LRBA: variants seen among roughly 807,000 people sequenced by gnomAD.
The protein encoded by LRBA is lipopolysaccharide-responsive and beige-like anchor protein.
In LRBA, 176 loss-of-function variants were observed where a neutral mutation model predicts 330.0. The ratio of observed to expected loss-of-function variants is 0.53; its 90% confidence interval spans 0.47 to 0.60. The LOEUF (loss-of-function observed/expected upper bound fraction) is 0.60, where lower values mean the gene tolerates loss of function less well. LRBA is among the 20% of genes least tolerant of loss of function. The probability of loss-of-function intolerance (pLI) is 0.00; values close to 1 mark genes in which losing one functional copy is unlikely to be tolerated. For synonymous variants in LRBA, 1,230 were observed against 1,193.0 expected (o/e 1.03, Z -0.64); for missense variants, 3,259 against 3,444.8 (o/e 0.95, Z 1.35).
chr4:150,413,825 T>C (rs1747350856), intron 47 of LRBA, among the ~76,000 whole-genome samples: 1 of 152,120 alleles, frequency 6.6e-6, no homozygotes, highest in Non-Finnish European at 1.5e-5. Context: ...AAGAAAAAAG[T>C]TGTAGTATGA....
intron 40 of LRBA, among the ~76,000 whole-genome samples, chr4:150,537,378 A>G (rs1349040379): frequency 6.6e-6 from 1 of 152,180 alleles, no homozygotes; most frequent in East Asian, 1.9e-4. Flanking sequence ...AAATCCTAAA[A>G]GAAAACCTAG....
chr4:150,328,249 C>T (rs1216280605), intron 48 of LRBA, among the ~76,000 whole-genome samples: 3 of 152,110 alleles, frequency 2.0e-5, no homozygotes, highest in Non-Finnish European at 4.4e-5. Context: ...GTAAATTTTA[C>T]GTCAGACACA....
intron 37 of LRBA, among the ~76,000 whole-genome samples, chr4:150,681,516 C>T (rs1253937615): frequency 6.6e-6 from 1 of 152,088 alleles, no homozygotes; most frequent in East Asian, 1.9e-4. Flanking sequence ...AAATAAGTAA[C>T]AGTTGAATAT....
chr4:150,622,688 C>CTTTTTTTTTTTTT (rs10528461), intron 37 of LRBA, among the ~76,000 whole-genome samples: 39 of 105,642 alleles, frequency 3.7e-4, no homozygotes, highest in African/African-American at 1.5e-3. Context: ...CTAAATCAAT[C>CTTTTTTTTTTTTT]TTTTTTTTTT....
chr4:150,860,716 A>G (rs1751802718), intron 22 of LRBA, among the ~76,000 whole-genome samples: 1 of 152,074 alleles, frequency 6.6e-6, no homozygotes, highest in South Asian at 2.1e-4. Flanking sequence ...AGTCCCAGCT[A>G]CTCAGGGAGG....
At position 150,548,135 on chromosome 4, in the gene LRBA, A is replaced by AT. The variant is rs1491265054; in HGVS notation, c.6330+39912dup. Among the ~76,000 whole-genome samples the AT allele has an allele frequency of 3.3e-5, 5 of 151,858 alleles. No homozygotes were observed. The South Asian group carries it at 6.2e-4, about 19-fold the overall frequency. The stretch of plus-strand genomic sequence containing the variant: ...CAGCAAGCACTGCCATAATACAAAC[A>AT]TTTTTTTCAAAGTAAAAATACATTT... On this transcript the variant is annotated intron_variant, in intron 40 of 56. Coordinates refer to ENST00000651943, the MANE Select transcript of LRBA (RefSeq NM_001364905.1).
chr4:150,608,745 C>T (rs934886811), intron 37 of LRBA, among the ~76,000 whole-genome samples: 1 of 152,146 alleles, frequency 6.6e-6, no homozygotes, highest in Non-Finnish European at 1.5e-5. Flanking sequence ...TACCCATTAC[C>T]CGTCATTCCA....
chr4:150,487,646 A>G (rs1758038437), intron 42 of LRBA, 86 bp downstream of exon 42: 2 of 639,174 alleles, frequency 3.1e-6, no homozygotes, highest in African/African-American at 1.8e-5. Context: ...AATACAGATT[A>G]ATGTTAATAA....
intron 40 of LRBA, among the ~76,000 whole-genome samples, chr4:150,555,839 G>T (rs1429118821): frequency 6.6e-6 from 1 of 151,302 alleles, no homozygotes; most frequent in African/African-American, 2.4e-5. Flanking sequence ...GTCTTCCTTT[G>T]TCACCCAGGC....
chr4:150,529,940 G>A (rs971548184), intron 40 of LRBA, among the ~76,000 whole-genome samples: 9 of 151,980 alleles, frequency 5.9e-5, no homozygotes, highest in Non-Finnish European at 1.0e-4. Flanking sequence ...TTTCTTTCTA[G>A]AGTATTTAAA....
At chr4:150,442,024 A>T (rs1751908278) in intron 44 of LRBA, among the ~76,000 whole-genome samples, 2 of 152,144 alleles carry the variant, frequency 1.3e-5, no homozygotes, top group African/African-American at 2.4e-5. Flanking sequence ...TATATGAATG[A>T]TTACAATTAA....
chr4:150,881,875 T>C (rs1728433832), intron 17 of LRBA, among the ~76,000 whole-genome samples: 1 of 152,060 alleles, frequency 6.6e-6, no homozygotes, highest in South Asian at 2.1e-4. Context: ...TCACCTGAGG[T>C]CAGGAGCTCG....
chr4:150,466,818 T>C (rs896300800), intron 44 of LRBA, among the ~76,000 whole-genome samples: 7 of 152,152 alleles, frequency 4.6e-5, no homozygotes, highest in African/African-American at 1.2e-4. Flanking sequence ...AGGAATCAGT[T>C]TGAACTCATA....
chr4:150,659,135 C>T (rs1268710408), intron 37 of LRBA, among the ~76,000 whole-genome samples: 6 of 136,292 alleles, frequency 4.4e-5, no homozygotes, highest in Non-Finnish European at 6.5e-5. Context: ...TGCCCGGCCG[C>T]CACCCCGTCT....
intron 37 of LRBA, among the ~76,000 whole-genome samples, chr4:150,638,069 T>C (rs1365831890): frequency 6.6e-6 from 1 of 151,974 alleles, no homozygotes; most frequent in Non-Finnish European, 1.5e-5. Flanking sequence ...CTGCATAATA[T>C]TCTATTTGTT....
intron 47 of LRBA, among the ~76,000 whole-genome samples, chr4:150,376,314 C>A (rs1160325588): frequency 6.6e-6 from 1 of 152,054 alleles, no homozygotes; most frequent in Admixed American, 6.5e-5. Context: ...ATTGAAATCC[C>A]TATAACTAAA....
chr4:150,985,698 T>C (rs1490508340), intron 2 of LRBA, among the ~76,000 whole-genome samples: 3 of 152,118 alleles, frequency 2.0e-5, no homozygotes, highest in Admixed American at 2.0e-4. Flanking sequence ...CGGGATTTCA[T>C]CGTGTTAGCC....
At chr4:150,709,859 A>T (rs561364334) in intron 36 of LRBA, among the ~76,000 whole-genome samples, 3 of 152,010 alleles carry the variant, frequency 2.0e-5, no homozygotes, top group Non-Finnish European at 4.4e-5. Context: ...TTCTGTGTAA[A>T]AGTGACACTT....
intron 2 of LRBA, among the ~76,000 whole-genome samples, chr4:150,964,289 C>A (rs1738629221): frequency 6.7e-6 from 1 of 148,352 alleles, no homozygotes; most frequent in African/African-American, 2.6e-5. Context: ...AAGTGAGGAG[C>A]CCCTCTGCCC....
Sources: gnomAD v4.1 joint callset for allele counts (sites outside exome capture counted in the v4.1 genomes callset) on GRCh38, gnomAD v4.1.1 for gene constraint, MANE v1.5 for transcripts, NCBI Gene and HGNC (gene_info 2026-07-23, HGNC 2026-07-21) for gene names.